Variants in XYLB observed in about 807,000 individuals in gnomAD.
XYLB encodes the protein xylulokinase, also known as xylulose kinase.
In XYLB, 62 loss-of-function variants were observed where a neutral mutation model predicts 78.7. That is an observed-to-expected ratio of 0.79 (90% CI 0.64 to 0.97). The LOEUF is 0.97. XYLB is among the 50% of genes least tolerant of loss of function. The pLI, the probability that XYLB is intolerant of heterozygous loss-of-function variation, is 0.00. For synonymous variants in XYLB, 245 were observed against 247.4 expected (o/e 0.99, Z 0.09); for missense variants, 687 against 676.8 (o/e 1.02, Z -0.17).
intron 17 of XYLB, 96 bp downstream of exon 17, chr3:38,397,255 T>TTTGGGGACATTGGAGTC: frequency 1.7e-6 from 2 of 1,165,958 alleles, no homozygotes; most frequent in Non-Finnish European, 2.6e-6. Flanking sequence ...GTACCCAGTC[T>TTTGGGGACATTGGAGTC]TTGGGGACAT....
At chr3:38,427,245 C>G in the XYLB span, among the ~76,000 whole-genome samples, 1 of 152,150 alleles carries the variant, frequency 6.6e-6, no homozygotes, top group Non-Finnish European at 1.5e-5. Context: ...CATGACTGAG[C>G]TGGTCTTGGC....
chr3:38,388,102 A>G (rs1202354663), intron 15 of XYLB, among the ~76,000 whole-genome samples: 1 of 151,194 alleles, frequency 6.6e-6, no homozygotes, highest in Admixed American at 6.6e-5. Flanking sequence ...ATAAATAGCT[A>G]ATGTTTACCT....
the XYLB span, among the ~76,000 whole-genome samples, chr3:38,432,607 T>G: frequency 7.2e-5 from 11 of 152,116 alleles, no homozygotes; most frequent in African/African-American, 2.7e-4. Flanking sequence ...GTACAGGCAT[T>G]GGGTAAATAT....
At chr3:38,444,241 A>G in the XYLB span, among the ~76,000 whole-genome samples, 1 of 152,176 alleles carries the variant, frequency 6.6e-6, no homozygotes, top group African/African-American at 2.4e-5. Flanking sequence ...AGAGAGGGAG[A>G]AGGGGACATG....
downstream of XYLB, chr3:38,421,329 A>G (rs2125694271): frequency 6.6e-6 from 1 of 152,400 alleles, no homozygotes; most frequent in East Asian, 1.9e-4. Flanking sequence ...GTGGAACTAC[A>G]CTGGAGGACA....
chr3:38,371,107 A>G (rs74356737), intron 9 of XYLB, among the ~76,000 whole-genome samples: 3,261 of 152,162 alleles, frequency 0.021, 108 homozygotes, highest in African/African-American at 0.071. Flanking sequence ...CAGCCACAGA[A>G]GCACTTTTGT....
chr3:38,418,937 A>C (rs1708887941), downstream of XYLB, among the ~76,000 whole-genome samples: 1 of 152,192 alleles, frequency 6.6e-6, no homozygotes, highest in South Asian at 2.1e-4. Flanking sequence ...TATTAAGATC[A>C]AATTCAGTAG....
At chr3:38,367,816 C>G (rs540961201) in intron 7 of XYLB, among the ~76,000 whole-genome samples, 1 of 152,130 alleles carries the variant, frequency 6.6e-6, no homozygotes, top group African/African-American at 2.4e-5. Flanking sequence ...TCCCTTGTAA[C>G]CAGAAGGAAA....
the XYLB span, among the ~76,000 whole-genome samples, chr3:38,437,907 TAA>T: frequency 6.6e-6 from 1 of 152,028 alleles, no homozygotes; most frequent in East Asian, 1.9e-4. Context: ...CCATCTCTAC[TAA>T]AAATACAAAA....
chr3:38,391,626 C>A (rs1254257386), intron 15 of XYLB, among the ~76,000 whole-genome samples: 1 of 134,520 alleles, frequency 7.4e-6, no homozygotes, highest in Non-Finnish European at 1.7e-5. Context: ...TGTGTCTCCC[C>A]AAATTCACAT....
chr3:38,408,047 A>G (rs1212961968), intron 18 of XYLB, among the ~76,000 whole-genome samples: 4 of 152,068 alleles, frequency 2.6e-5, no homozygotes, highest in East Asian at 1.9e-4. Context: ...ATAGACATCT[A>G]CAGAACTCTC....
chr3:38,399,000 G>T (rs975067561), intron 17 of XYLB, among the ~76,000 whole-genome samples: 4 of 151,840 alleles, frequency 2.6e-5, no homozygotes, highest in Non-Finnish European at 5.9e-5. Flanking sequence ...AGCCGAGATC[G>T]CACCACTGCA....
intron 2 of XYLB, among the ~76,000 whole-genome samples, chr3:38,350,788 T>C (rs929940300): frequency 6.6e-5 from 10 of 152,152 alleles, no homozygotes; most frequent in Non-Finnish European, 1.3e-4. Context: ...GTTTCATTTT[T>C]TTTCGTTCAA....
intron 18 of XYLB, among the ~76,000 whole-genome samples, chr3:38,411,139 T>A (rs941291280): frequency 4.0e-4 from 61 of 152,208 alleles, no homozygotes; most frequent in African/African-American, 1.4e-3. Flanking sequence ...CCCAAATGTC[T>A]ACAATGATAG....
intron 8 of XYLB, among the ~76,000 whole-genome samples, chr3:38,368,857 C>T (rs900416580): frequency 0.047 from 156 of 3,346 alleles, no homozygotes; most frequent in East Asian, 0.25. Flanking sequence ...CAGTAGGGGA[C>T]GATCATGGAG....
chr3:38,430,716 T>G, the XYLB span, among the ~76,000 whole-genome samples: 1 of 152,246 alleles, frequency 6.6e-6, no homozygotes, highest in African/African-American at 2.4e-5. Flanking sequence ...TAATCCATCT[T>G]GAATTAATTT....
intron 15 of XYLB, among the ~76,000 whole-genome samples, chr3:38,384,238 G>A (rs750040183): frequency 1.3e-5 from 2 of 152,046 alleles, no homozygotes; most frequent in Non-Finnish European, 2.9e-5. Flanking sequence ...AGCTAGTTTT[G>A]TATTTTTAGT....
rs758451545 is a variant in XYLB at position 38,370,085 on chromosome 3, G to C, written c.676G>C (p.Asp226His). The stretch of plus-strand genomic sequence containing the variant: ...TGGAATGAATTTGTTGCAGATACAG[G>C]ATAAAGTCTGGTCCCAGGCTTGCCT... The part of the protein sequence containing the change: ...GSGMNLLQIQ[D>H]KVWSQACLGA... The change falls in exon 9 of 19, where the codon GAT (aspartate) becomes CAT (histidine). Residue 226 changes from aspartate to histidine, a missense_variant. Asp to His is a moderately conservative substitution (Grantham distance 81). Transcript: ENST00000207870. 1 of 1,614,180 alleles carries C rather than the reference G, an allele frequency of 6.2e-7. No individual in the cohort carries two copies. The highest frequency in any genetic ancestry group is 1.7e-5 in the Admixed American group (1 of 60,022).
chr3:38,371,674 C>G (rs1418567856), intron 9 of XYLB, among the ~76,000 whole-genome samples: 1 of 152,112 alleles, frequency 6.6e-6, no homozygotes, highest in Non-Finnish European at 1.5e-5. Flanking sequence ...AGGTGTGAAC[C>G]ACCGTGCTCG....
Sources: allele counts gnomAD v4.1 joint callset (sites outside exome capture counted in the v4.1 genomes callset), GRCh38; gene constraint gnomAD v4.1.1; transcripts MANE v1.5; gene names NCBI Gene and HGNC (gene_info 2026-07-23, HGNC 2026-07-21).